CHMP4A: variants seen among roughly 807,000 people sequenced by gnomAD.
CHMP4A encodes the protein charged multivesicular body protein 4A.
Under a neutral mutation model 28.2 loss-of-function variants are expected in CHMP4A, and 29 were observed. The observed-to-expected ratio is 1.03, with a 90% confidence interval of 0.77 to 1.40. The LOEUF (loss-of-function observed/expected upper bound fraction) is 1.40, where lower values mean the gene tolerates loss of function less well. Ranked by LOEUF, CHMP4A falls within the 40% of genes most tolerant of loss-of-function variation. The pLI, the probability that CHMP4A is intolerant of heterozygous loss-of-function variation, is 0.00. For missense variants in CHMP4A, 241 were observed against 263.5 expected (o/e 0.91, Z 0.59); for synonymous variants, 88 against 99.3 (o/e 0.89, Z 0.67).
Position 24,209,763 on chromosome 14 carries a change from A to T in CHMP4A, c.*114T>A, listed in dbSNP as rs1036110620. On this transcript the variant is annotated 3_prime_UTR_variant, in exon 6 of 6. Transcript: ENST00000347519. ...AGACCCTTTTTTCAGGCAGGGTCAC[A>T]CTACCACCCTCAGCATGACTTCCCC... The T allele has an allele frequency of 2.0e-6, 2 of 984,292 alleles. No homozygotes were observed. The highest frequency in any genetic ancestry group is 3.2e-6 in the Non-Finnish European group (2 of 615,536). 61.0% of individuals were successfully genotyped at this position (984,292 alleles called of 1,614,324 possible). A position where few individuals can be genotyped will look rare whatever the true frequency, so the allele number is the denominator to read the frequency against.
Position 24,210,291 on chromosome 14 carries a change from T to A in CHMP4A, c.610+57A>T. The A allele has an allele frequency of 1.9e-6, 3 of 1,577,848 alleles. No individual in the cohort carries two copies. In the South Asian group the frequency reaches 3.5e-5, roughly 19 times the overall value. ...GGCAGGATGGATGAGGAATAATCTT[T>A]CCCCATATCTCTCCCACCCTCTTAA... On this transcript the variant is annotated intron_variant, in intron 5 of 5. Coordinates refer to ENST00000347519, the MANE Select transcript of CHMP4A (RefSeq NM_014169.5).
In CHMP4A at chr14:24,211,410, C is replaced by A. The variant is rs766562619; in HGVS notation, c.359+5G>T. 2.0e-5 allele frequency: 32 copies of A among 1,596,410 alleles called. No individual in the cohort carries two copies. Among genetic ancestry groups the A allele is most frequent in the African/African-American group, 2.7e-5 (2 of 74,618 alleles). ...GGTCCCCTCCACCCCTCCCCCCGTA[C>A]CCACATGTCCTGGTAGGCCTTCTTC... is the stretch of plus-strand genomic sequence containing the variant. On this transcript the variant is annotated splice_donor_5th_base_variant and intron_variant, in intron 3 of 5. Transcript: ENST00000347519.
chr14:24,211,674 C>G lies in CHMP4A; in HGVS notation c.181+6G>C. 1 of 1,613,682 alleles carries G rather than the reference C, an allele frequency of 6.2e-7. No individual in the cohort carries two copies. Among genetic ancestry groups the G allele is most frequent in the Non-Finnish European group, 8.5e-7 (1 of 1,179,724 alleles). ...GCCCTCCCCATAGGCTTGTTTCCCT[C>G]ATTACCTCTCTTATTCTTGGTCCCA... On this transcript the variant is annotated splice_donor_region_variant and intron_variant, in intron 2 of 5. Coordinates refer to ENST00000347519, the MANE Select transcript of CHMP4A (RefSeq NM_014169.5).
At chr14:24,211,902 T>C in intron 1 of CHMP4A, 73 bp from the exon 2 acceptor site, 1 of 1,384,408 alleles carries the variant, frequency 7.2e-7, no homozygotes, top group Non-Finnish European at 9.9e-7. Flanking sequence ...GAATACATAG[T>C]ATGTGCTAGA....
In CHMP4A at chr14:24,210,441, A is replaced by G. The variant is rs760132790; in HGVS notation, c.517T>C (p.Leu173=). The part of the protein sequence containing the change: ...EELEELEQEE[L]AQELLNVGDK... Reference sequence around the variant, plus strand: ...CCCACATTTAACAACTCCTGGGCCAATTCCTCCTGCTCCAGCTCCTCTAGC... The same window carrying G: ...CCCACATTTAACAACTCCTGGGCCAGTTCCTCCTGCTCCAGCTCCTCTAGC... The change falls in exon 5 of 6, where the codon TTG becomes CTG. Residue 173 remains leucine, a synonymous_variant. Transcript: ENST00000347519. 3 of 1,614,072 alleles carry G rather than the reference A, an allele frequency of 1.9e-6. No homozygotes were observed. Among genetic ancestry groups the G allele is most frequent in the Non-Finnish European group, 1.7e-6 (2 of 1,180,024 alleles).
At chr14:24,211,943 T>C (rs2039595158) in intron 1 of CHMP4A, 114 bp from the exon 2 acceptor site, 1 of 904,572 alleles carries the variant, frequency 1.1e-6, no homozygotes, top group African/African-American at 1.7e-5. Context: ...AATCCCCAAA[T>C]CTCTACAATG....
In CHMP4A at chr14:24,211,485, T is replaced by C. The variant is rs1199904250; in HGVS notation, c.289A>G (p.Thr97Ala). The C allele has an allele frequency of 3.7e-6, 6 of 1,613,988 alleles. No homozygotes were observed. In the African/African-American group the frequency reaches 5.3e-5, roughly 14 times the overall value. Residue 97 changes from threonine (T) to alanine (A), a missense_variant, in exon 3 of 6, where the codon ACT becomes GCT. Physicochemically the swap from Thr to Ala is moderately conservative, Grantham distance 58. Transcript: ENST00000347519. ...EFQREAIENA[T>A]TNAEVLRTME... ...GTACGAAGGACTTCTGCATTGGTAG[T>C]GGCATTCTCAATGGCCTCACGCTGA...
chr14:24,213,277 G>T, intron 1 of CHMP4A, 132 bp downstream of exon 1: 4 of 1,140,628 alleles, frequency 3.5e-6, no homozygotes, highest in Non-Finnish European at 4.7e-6. Context: ...CGGCCGCCGG[G>T]GTTTTCCAGT....
rs753083568 is a variant in CHMP4A at position 24,210,304 on chromosome 14, C to T, written c.610+44G>A. ...AGGAATAATCTTTCCCCATATCTCT[C>T]CCACCCTCTTAAGTCCTCAAGACAA... On this transcript the variant is annotated intron_variant, in intron 5 of 5. Transcript: ENST00000347519. 5.6e-6 allele frequency: 9 copies of T among 1,599,372 alleles called. No individual in the cohort carries two copies. The Admixed American group carries it at 1.0e-4, about 18-fold the overall frequency.
At chr14:24,212,073 C>A (rs967700882) in intron 1 of CHMP4A, 6 of 388,854 alleles carry the variant, frequency 1.5e-5, no homozygotes, top group Non-Finnish European at 2.3e-5. Context: ...AACCAATATT[C>A]TTTTTACTAT....
intron 1 of CHMP4A, 183 bp downstream of exon 1, chr14:24,213,226 G>T: frequency 1.6e-6 from 1 of 637,274 alleles, no homozygotes; most frequent in Non-Finnish European, 2.5e-6. Flanking sequence ...GCCCCGACAT[G>T]GTGTGCCTTT....
intron 5 of CHMP4A, 52 bp from the exon 6 acceptor site, chr14:24,209,987 A>G: frequency 6.7e-7 from 1 of 1,501,882 alleles, no homozygotes; most frequent in Non-Finnish European, 9.3e-7. Context: ...GTAAGGTCTC[A>G]GCAACTCCAA....
rs764525280 is a variant in CHMP4A, at chr14:24,211,694, G to T, written c.167C>A (p.Thr56Asn). The T allele has an allele frequency of 1.9e-6, 3 of 1,613,992 alleles. No homozygotes were observed. The highest frequency in any genetic ancestry group is 4.5e-5 in the East Asian group (2 of 44,888). ...TCCCTCATTACCTCTCTTATTCTTG[G>T]TCCCATACTTCTTGGCTGTTTGTAG... ...QELQTAKKYG[T>N]KNKRAALQAL... The change falls in exon 2 of 6, where the codon ACC becomes AAC. Residue 56 changes from threonine to asparagine, a missense_variant. By Grantham distance (65) the Thr-to-Asn change is moderately conservative. Coordinates refer to ENST00000347519, the MANE Select transcript of CHMP4A (RefSeq NM_014169.5).
At position 24,213,462 on chromosome 14, in the gene CHMP4A, C is replaced by G; in HGVS notation, c.-23G>C. On this transcript the variant is annotated 5_prime_UTR_variant, in exon 1 of 6. Coordinates refer to ENST00000347519, the MANE Select transcript of CHMP4A (RefSeq NM_014169.5). ...CATCGCGAGCTCGCCTCTCCCGCCT[C>G]CGCCCCTCAGCGTCCTCCAGACTTC... 2 of 1,612,854 alleles carry G rather than the reference C, an allele frequency of 1.2e-6. No homozygotes were observed. Among genetic ancestry groups the G allele is most frequent in the East Asian group, 2.2e-5 (1 of 44,776 alleles).
At chr14:24,213,349 G>A (rs1379910074) in intron 1 of CHMP4A, 60 bp downstream of exon 1, 7 of 1,470,330 alleles carry the variant, frequency 4.8e-6, no homozygotes, top group Non-Finnish European at 6.3e-6. Context: ...TCTCGCCGGG[G>A]TCTCCTCTTC....
intron 1 of CHMP4A, 35 bp downstream of exon 1, chr14:24,213,374 G>A (rs761275172): frequency 6.5e-7 from 1 of 1,537,214 alleles, no homozygotes; most frequent in South Asian, 1.2e-5. Flanking sequence ...GCACCAGCCA[G>A]CGCCTCCTGG....
At chr14:24,211,056 C>T (rs2039586999) in intron 3 of CHMP4A, among the ~76,000 whole-genome samples, 1 of 152,142 alleles carries the variant, frequency 6.6e-6, no homozygotes, top group South Asian at 2.1e-4. Context: ...CAGTAGTGCA[C>T]ACCTGTAATC....
Position 24,211,693 on chromosome 14 carries a change from G to A in CHMP4A, c.168C>T (p.Thr56=), listed in dbSNP as rs138896560. The A allele has an allele frequency of 7.4e-6, 12 of 1,613,830 alleles. No individual in the cohort carries two copies. Among genetic ancestry groups the A allele is most frequent in the South Asian group, 1.1e-5 (1 of 91,064 alleles). ...TTCCCTCATTACCTCTCTTATTCTT[G>A]GTCCCATACTTCTTGGCTGTTTGTA... ...QELQTAKKYG[T]KNKRAALQAL... Residue 56 remains threonine (T), a synonymous_variant, in exon 2 of 6, where the codon ACC becomes ACT. Transcript: ENST00000347519.
intron 1 of CHMP4A, 38 bp downstream of exon 1, chr14:24,213,371 C>A (rs2039615527): frequency 6.5e-7 from 1 of 1,535,746 alleles, no homozygotes. Context: ...CCTGCACCAG[C>A]CAGCGCCTCC....
Sources: gnomAD v4.1 joint callset for allele counts (sites outside exome capture counted in the v4.1 genomes callset) on GRCh38, gnomAD v4.1.1 for gene constraint, MANE v1.5 for transcripts, NCBI Gene and HGNC (gene_info 2026-07-23, HGNC 2026-07-21) for gene names.